SMOC2: variants seen among roughly 807,000 people sequenced by gnomAD.
The protein encoded by SMOC2 is SPARC-related modular calcium-binding protein 2.
A neutral mutation model predicts 61.4 loss-of-function variants in SMOC2; 39 were observed. The ratio of observed to expected loss-of-function variants is 0.64; its 90% CI spans 0.49 to 0.83. The LOEUF (loss-of-function observed/expected upper bound fraction) is 0.83, where lower values mean the gene tolerates loss of function less well. Ranked by LOEUF, SMOC2 falls within the 40% of genes least tolerant of loss-of-function variation. The pLI is 0.00. For missense variants in SMOC2, 556 were observed against 592.9 expected (o/e 0.94, Z 0.65); for synonymous variants, 247 against 239.9 (o/e 1.03, Z -0.27).
At chr6:168,582,233 T>C (rs1384661559) in intron 7 of SMOC2, among the ~76,000 whole-genome samples, 1 of 152,166 alleles carries the variant, frequency 6.6e-6, no homozygotes, top group Non-Finnish European at 1.5e-5. Flanking sequence ...TGGTTATTGT[T>C]GAAGGGATGT....
At chr6:168,454,159 T>C (rs980970500) in intron 1 of SMOC2, among the ~76,000 whole-genome samples, 2 of 151,976 alleles carry the variant, frequency 1.3e-5, no homozygotes, top group South Asian at 2.1e-4. Flanking sequence ...CTGCAGGGGG[T>C]CACTCTGTGT....
At chr6:168,499,304 C>A (rs189125097) in intron 1 of SMOC2, among the ~76,000 whole-genome samples, 1 of 150,878 alleles carries the variant, frequency 6.6e-6, no homozygotes, top group African/African-American at 2.5e-5. Flanking sequence ...GAACCGCAGT[C>A]CAACGTGTGC....
chr6:168,569,378 G>T (rs182044794), intron 7 of SMOC2, among the ~76,000 whole-genome samples: 114 of 152,062 alleles, frequency 7.5e-4, no homozygotes, highest in African/African-American at 2.7e-3. Context: ...ATTAATTGGG[G>T]TTTTTTTAAT....
intron 7 of SMOC2, among the ~76,000 whole-genome samples, chr6:168,577,928 C>A (rs1486845731): frequency 6.6e-6 from 1 of 152,206 alleles, no homozygotes; most frequent in African/African-American, 2.4e-5. Flanking sequence ...AAGTTTGGGG[C>A]TCCTGAAGAA....
chr6:168,629,337 C>T (rs764929996), intron 9 of SMOC2, among the ~76,000 whole-genome samples: 59 of 152,320 alleles, frequency 3.9e-4, no homozygotes, highest in African/African-American at 1.1e-3. Context: ...CAAGATAGGG[C>T]GGTCCCCCAG....
At chr6:168,460,546 G>A (rs1400775318) in intron 1 of SMOC2, among the ~76,000 whole-genome samples, 1 of 152,188 alleles carries the variant, frequency 6.6e-6, no homozygotes, top group African/African-American at 2.4e-5. Flanking sequence ...GGAGGGGTTT[G>A]GAGGTCTGCC....
intron 11 of SMOC2, among the ~76,000 whole-genome samples, chr6:168,656,344 C>G (rs138800782): frequency 1.3e-5 from 2 of 151,740 alleles, no homozygotes; most frequent in African/African-American, 4.8e-5. Context: ...AACCTCATCT[C>G]TACTAAAAAT....
Position 168,510,035 on chromosome 6 carries a change from G to C in SMOC2, c.205G>C (p.Ala69Pro). 6.2e-7 allele frequency: 1 copy of C among 1,614,210 alleles called. No individual in the cohort carries two copies. The highest frequency in any genetic ancestry group is 8.5e-7 in the Non-Finnish European group (1 of 1,180,044). ...TFLSRCEFQR[A>P]KCKDPQLEIA... is the part of the protein sequence containing the mutation. ...CCTTTCCCGTTGTGAATTTCAACGT[G>C]CCAAGTGCAAAGATCCCCAGCTAGA... The change falls in exon 2 of 13, where the codon GCC becomes CCC. Residue 69 changes from alanine (A) to proline (P), a missense_variant. Transcript: ENST00000356284.
chr6:168,576,574 C>T (rs930667030), intron 7 of SMOC2, among the ~76,000 whole-genome samples: 4 of 152,060 alleles, frequency 2.6e-5, no homozygotes, highest in Non-Finnish European at 4.4e-5. Context: ...AATGGCTGGT[C>T]TAACAGCAGG....
At chr6:168,665,906 CTT>C (rs575714666) in intron 12 of SMOC2, among the ~76,000 whole-genome samples, 1 of 145,932 alleles carries the variant, frequency 6.9e-6, no homozygotes. Context: ...TCATATATTG[CTT>C]TTTTTTTTTC....
At chr6:168,477,104 A>T (rs1008578514) in intron 1 of SMOC2, among the ~76,000 whole-genome samples, 4 of 152,196 alleles carry the variant, frequency 2.6e-5, no homozygotes, top group Admixed American at 6.5e-5. Context: ...ATGTAGTTTC[A>T]TTTTCATGTG....
chr6:168,484,209 T>A (rs1782276953), intron 1 of SMOC2, among the ~76,000 whole-genome samples: 1 of 152,034 alleles, frequency 6.6e-6, no homozygotes, highest in Non-Finnish European at 1.5e-5. Flanking sequence ...GGGATAAATA[T>A]CCGGAATATA....
intron 1 of SMOC2, among the ~76,000 whole-genome samples, chr6:168,476,734 A>G (rs902907721): frequency 6.6e-6 from 1 of 152,124 alleles, no homozygotes; most frequent in Admixed American, 6.5e-5. Flanking sequence ...TAAAAATAAT[A>G]TTGCAGAGAA....
intron 2 of SMOC2, among the ~76,000 whole-genome samples, chr6:168,525,956 C>T (rs968537268): frequency 3.9e-5 from 6 of 152,198 alleles, no homozygotes; most frequent in African/African-American, 1.2e-4. Context: ...TTCAGGTGGT[C>T]GTCCTTGGAT....
At chr6:168,582,992 G>A (rs1455239227) in intron 7 of SMOC2, among the ~76,000 whole-genome samples, 3 of 151,676 alleles carry the variant, frequency 2.0e-5, no homozygotes, top group Admixed American at 1.3e-4. Context: ...TCCAGGCTCC[G>A]GCCTCCGTCA....
In SMOC2 at chr6:168,612,608, G is replaced by A. The variant is rs577628161; in HGVS notation, c.907+4369G>A. Among the ~76,000 whole-genome samples, 44 of 152,264 alleles carry A rather than the reference G, an allele frequency of 2.9e-4. No homozygotes were observed. The South Asian group carries it at 9.1e-3, about 32-fold the overall frequency. ...GGTGACCCCAGCCTTTACTCAAACA[G>A]CAGCACTGGGTTCGTGATCTCCATC... is the stretch of plus-strand genomic sequence containing the variant. On this transcript the variant is annotated intron_variant, in intron 9 of 12. Coordinates refer to ENST00000356284, the MANE Select transcript of SMOC2 (RefSeq NM_001166412.2).
At chr6:168,624,623 G>GAC (rs1430059156) in intron 9 of SMOC2, among the ~76,000 whole-genome samples, 4 of 99,348 alleles carry the variant, frequency 4.0e-5, no homozygotes, top group Non-Finnish European at 6.5e-5. Flanking sequence ...CAGAGACACA[G>GAC]ACACAGACAA....
intron 9 of SMOC2, among the ~76,000 whole-genome samples, chr6:168,650,175 G>T (rs1184540941): frequency 6.6e-6 from 1 of 152,166 alleles, no homozygotes; most frequent in Non-Finnish European, 1.5e-5. Flanking sequence ...CCGTGGTGTG[G>T]ACAAGTCCCC....
intron 1 of SMOC2, among the ~76,000 whole-genome samples, chr6:168,485,474 C>G (rs1004643050): frequency 6.6e-6 from 1 of 152,156 alleles, no homozygotes; most frequent in African/African-American, 2.4e-5. Context: ...AGTCACACAA[C>G]AGAATGTTAT....
Sources: gnomAD v4.1 joint callset for allele counts (sites outside exome capture counted in the v4.1 genomes callset) on GRCh38, gnomAD v4.1.1 for gene constraint, MANE v1.5 for transcripts, NCBI Gene and HGNC (gene_info 2026-07-23, HGNC 2026-07-21) for gene names.